GAS6: variants seen among roughly 807,000 people sequenced by gnomAD.
GAS6 encodes growth arrest specific 6.
In GAS6, 41 loss-of-function variants were observed where a neutral mutation model predicts 75.8. The ratio of observed to expected loss-of-function variants is 0.54; its 90% CI spans 0.42 to 0.70. The LOEUF (loss-of-function observed/expected upper bound fraction) is 0.70, where lower values mean the gene tolerates loss of function less well. Among genes scored for constraint, GAS6 ranks in the 30% least tolerant of loss-of-function variants. The pLI is 0.00. For synonymous variants in GAS6, 432 were observed against 412.6 expected, an observed-to-expected ratio of 1.05 and a Z score of -0.57; for missense variants, 854 against 940.2, an observed-to-expected ratio of 0.91 and a Z score of 1.20.
chr13:113,846,732 T>A lies in GAS6; in HGVS notation c.281-143A>T, dbSNP rs1003306247. The A allele has an allele frequency of 4.4e-6, 3 of 674,514 alleles. No individual in the cohort carries two copies. The African/African-American group carries it at 5.4e-5, about 12-fold the overall frequency. 41.8% of individuals were successfully genotyped at this position (674,514 alleles called of 1,614,324 possible). A position where few individuals can be genotyped will look rare whatever the true frequency, so the allele number is the denominator to read the frequency against. On this transcript the variant is annotated intron_variant, in intron 3 of 14. Transcript: ENST00000327773. Reference sequence around the variant, plus strand: ...TCCTCCAGAAACAATGCCGCTTAGCTTGTGTTAATAAAAAACATGTTAGCC... The same window carrying A: ...TCCTCCAGAAACAATGCCGCTTAGCATGTGTTAATAAAAAACATGTTAGCC...
rs1359439899 is a variant in GAS6 at position 113,834,621 on chromosome 13, G to A, written c.764C>T (p.Pro255Leu). 1.9e-6 allele frequency: 3 copies of A among 1,607,192 alleles called. No individual in the cohort carries two copies. Among genetic ancestry groups the A allele is most frequent in the East Asian group, 4.5e-5 (2 of 44,512 alleles). ...GRCEQVCVNS[P>L]GSYTCHCDGR... is the part of the protein sequence containing the mutation. ...GTCACAGTGGCAGGTGTAGCTCCCT[G>A]GGGAGTTCACGCAGACCTGCTCACA... Residue 255 changes from proline to leucine, a missense_variant, in exon 8 of 15, where the codon CCA (proline) becomes CTA (leucine). Transcript: ENST00000327773.
intron 8 of GAS6, 84 bp downstream of exon 8, chr13:113,834,467 A>G: frequency 7.4e-7 from 1 of 1,350,186 alleles, no homozygotes; most frequent in Non-Finnish European, 9.7e-7. Context: ...CCAGGTCTTC[A>G]CGGAAGTGTT....
At position 113,823,194 on chromosome 13, in the gene GAS6, A is replaced by G. The variant is rs1476449506; in HGVS notation, c.1653+181T>C. On this transcript the variant is annotated intron_variant, in intron 13 of 14. Coordinates refer to ENST00000327773, the MANE Select transcript of GAS6 (RefSeq NM_000820.4). Reference sequence around the variant, plus strand: ...GCTGTGTGGCGGTGACCTGGTGTCCAAACAACCCCCGCAGCCCGAAGCGTG... The same window carrying G: ...GCTGTGTGGCGGTGACCTGGTGTCCGAACAACCCCCGCAGCCCGAAGCGTG... 6 of 630,262 alleles carry G rather than the reference A, an allele frequency of 9.5e-6. No individual in the cohort carries two copies. The East Asian group carries it at 1.2e-4, about 13-fold the overall frequency. 39.0% of individuals were successfully genotyped at this position (630,262 alleles called of 1,614,324 possible). A position where few individuals can be genotyped will look rare whatever the true frequency, so the allele number is the denominator to read the frequency against.
At chr13:113,843,363 C>T (rs887822005) in intron 4 of GAS6, 17 of 152,110 alleles carry the variant, frequency 1.1e-4, no homozygotes, top group African/African-American at 3.2e-4. Flanking sequence ...CCGGTGCGGG[C>T]GGCCAGGGCC....
intron 2 of GAS6, among the ~76,000 whole-genome samples, chr13:113,851,249 G>A (rs766421282): frequency 1.1e-4 from 17 of 150,522 alleles, no homozygotes; most frequent in Non-Finnish European, 1.9e-4. Flanking sequence ...ATAAAACAAT[G>A]AGTGAATAGA....
At chr13:113,833,243 C>G (rs1417708938) in intron 8 of GAS6, 2 of 1,058,688 alleles carry the variant, frequency 1.9e-6, no homozygotes, top group Non-Finnish European at 2.3e-6. Context: ...CAGGCCTGCC[C>G]TGCCCACCGT....
intron 10 of GAS6, among the ~76,000 whole-genome samples, chr13:113,831,434 G>A (rs911447206): frequency 1.3e-5 from 2 of 152,258 alleles, no homozygotes; most frequent in African/African-American, 4.8e-5. Context: ...CGGGAGCTCT[G>A]GGCTGTGGTG....
chr13:113,859,534 G>A (rs970399453), intron 2 of GAS6, among the ~76,000 whole-genome samples: 2 of 152,082 alleles, frequency 1.3e-5, no homozygotes, highest in African/African-American at 4.8e-5. Context: ...GTGTGTGCAT[G>A]TCTGTCAGTG....
chr13:113,857,917 G>A (rs1426416436), intron 2 of GAS6, among the ~76,000 whole-genome samples: 1 of 152,256 alleles, frequency 6.6e-6, no homozygotes, highest in Non-Finnish European at 1.5e-5. Flanking sequence ...CTGCACAGGT[G>A]CGGGCACAGG....
Position 113,848,190 on chromosome 13 carries a change from G to A in GAS6, c.256-140C>T, listed in dbSNP as rs967634294. 1 of 832,478 alleles carries A rather than the reference G, an allele frequency of 1.2e-6. No homozygotes were observed. The highest frequency in any genetic ancestry group is 2.0e-6 in the Non-Finnish European group (1 of 510,096). 51.6% of individuals were successfully genotyped at this position (832,478 alleles called of 1,614,324 possible). A position where few individuals can be genotyped will look rare whatever the true frequency, so the allele number is the denominator to read the frequency against. The stretch of plus-strand genomic sequence containing the variant: ...GCCCCACCCGGGGAACTGAGGGGAA[G>A]TGACCGGGGCACGACTGCTGTGAGA... On this transcript the variant is annotated intron_variant, in intron 2 of 14. Transcript: ENST00000327773. The surrounding 1 kb of genome is among the most constrained non-coding windows in gnomAD (Gnocchi z 4.8).
In GAS6 at chr13:113,863,534, G is replaced by T; in HGVS notation, c.255+41C>A. 1 of 1,482,482 alleles carries T rather than the reference G, an allele frequency of 6.7e-7. No individual in the cohort carries two copies. The highest frequency in any genetic ancestry group is 2.9e-5 in the East Asian group (1 of 33,946). 91.8% of individuals were successfully genotyped at this position (1,482,482 alleles called of 1,614,324 possible). ...CTCGGGAGCGGTTGGAGGCGCGCGG[G>T]CGCCAGGGGTTCCCCCGCATCCCGC... is the stretch of plus-strand genomic sequence containing the variant. On this transcript the variant is annotated intron_variant, in intron 2 of 14. Transcript: ENST00000327773. This position sits in a 1 kb window ranked among gnomAD's most constrained non-coding sequence, Gnocchi z 9.4.
chr13:113,840,226 G>A (rs528376533), intron 4 of GAS6: 21 of 231,878 alleles, frequency 9.1e-5, no homozygotes, highest in African/African-American at 2.8e-4. Context: ...AGGCAGACTC[G>A]GAACATTCTG....
chr13:113,822,052 C>G lies in GAS6; in HGVS notation c.1788G>C (p.Gln596His). ...ATLEVDGTRG[Q>H]SEVSAAQLQE... is the part of the protein sequence containing the mutation. ...GCAGCTGCGCGGCGCTCACCTCGCTCTGGCCCCTGGTGCCGTCCACCTCCA... is the reference window on the plus strand; with the variant it reads ...GCAGCTGCGCGGCGCTCACCTCGCTGTGGCCCCTGGTGCCGTCCACCTCCA... The change falls in exon 14 of 15, where the codon CAG becomes CAC. Residue 596 changes from glutamine (Q) to histidine (H), a missense_variant. Coordinates refer to ENST00000327773, the MANE Select transcript of GAS6 (RefSeq NM_000820.4). 1 of 1,584,258 alleles carries G rather than the reference C, an allele frequency of 6.3e-7. No individual in the cohort carries two copies.
intron 2 of GAS6, among the ~76,000 whole-genome samples, chr13:113,860,267 C>T (rs571382631): frequency 3.3e-5 from 5 of 152,318 alleles, no homozygotes; most frequent in African/African-American, 9.6e-5. Context: ...GGCCAACCCT[C>T]AGGGAAGGCC....
rs747468475 is a variant in GAS6, at chr13:113,834,501, A to AG, written c.834+49dup. The AG allele has an allele frequency of 1.2e-5, 17 of 1,445,784 alleles. No homozygotes were observed. In the South Asian group the frequency reaches 2.3e-4, roughly 20 times the overall value. 89.6% of individuals were successfully genotyped at this position (1,445,784 alleles called of 1,614,324 possible). A position where few individuals can be genotyped will look rare whatever the true frequency, so the allele number is the denominator to read the frequency against. On this transcript the variant is annotated intron_variant, in intron 8 of 14. Transcript: ENST00000327773. ...TTTCTCCCGAAAGCCCCCACCGGCG[A>AG]GGGCCCCCGGAACCACCGTGAAGGG...
chr13:113,863,892 G>A lies in GAS6; in HGVS notation c.29C>T (p.Ala10Val). The change falls in exon 1 of 15, where the codon GCC becomes GTC. Residue 10 changes from alanine (A) to valine (V), a missense_variant. Transcript: ENST00000327773. This position sits in a 1 kb window ranked among gnomAD's most constrained non-coding sequence, Gnocchi z 9.4. MAPSLSPGP[A>V]ALRRAPQLLL... is the part of the protein sequence containing the mutation. ...CAGCTGCGGCGCGCGGCGCAGGGCGGCGGGCCCGGGCGAGAGCGAAGGGGC... is the reference window on the plus strand; with the variant it reads ...CAGCTGCGGCGCGCGGCGCAGGGCGACGGGCCCGGGCGAGAGCGAAGGGGC... 8.4e-7 allele frequency: 1 copy of A among 1,189,854 alleles called. No individual in the cohort carries two copies. Among genetic ancestry groups the A allele is most frequent in the Non-Finnish European group, 1.0e-6 (1 of 963,120 alleles). 73.7% of individuals were successfully genotyped at this position (1,189,854 alleles called of 1,614,324 possible).
intron 14 of GAS6, 147 bp from the exon 15 acceptor site, chr13:113,821,165 C>T (rs577011099): frequency 2.9e-5 from 24 of 836,844 alleles, no homozygotes; most frequent in Middle Eastern, 3.6e-4. Context: ...TCTCGGTCCC[C>T]GTTCGTTTGG....
At chr13:113,821,718 T>C in intron 14 of GAS6, 1 of 521,454 alleles carries the variant, frequency 1.9e-6, no homozygotes, top group South Asian at 3.1e-5. Flanking sequence ...TCGTGGGGCC[T>C]GACTCAGGCC....
chr13:113,849,500 TAA>T (rs145858150), intron 2 of GAS6, among the ~76,000 whole-genome samples: 45,046 of 151,630 alleles, frequency 0.3, 6,873 homozygotes, highest in South Asian at 0.41. Flanking sequence ...GGCTCTGAAA[TAA>T]AAGACTTGCG....
Sources: gnomAD v4.1 joint callset for allele counts (sites outside exome capture counted in the v4.1 genomes callset) on GRCh38, gnomAD v4.1.1 for gene constraint, Gnocchi (gnomAD v3.1) non-coding constraint, MANE v1.5 for transcripts, NCBI Gene and HGNC (gene_info 2026-07-23, HGNC 2026-07-21) for gene names.